Variants in CSPP1 observed in about 807,000 individuals in gnomAD.
CSPP1 encodes centrosome and spindle pole-associated protein 1.
In CSPP1, 126 loss-of-function variants were observed where a neutral mutation model predicts 164.4. The observed-to-expected ratio is 0.77, with a 90% CI of 0.66 to 0.89. The LOEUF (loss-of-function observed/expected upper bound fraction) is 0.89. CSPP1 is among the 40% of genes least tolerant of loss of function. The pLI, the probability that CSPP1 is intolerant of heterozygous loss-of-function variation, is 0.00. For synonymous variants in CSPP1, 472 were observed against 476.7 expected (o/e 0.99, Z 0.13); for missense variants, 1,395 against 1,449.8 (o/e 0.96, Z 0.61).
chr8:67,130,601 A>G (rs528713526), intron 15 of CSPP1, among the ~76,000 whole-genome samples: 1 of 152,350 alleles, frequency 6.6e-6, no homozygotes, highest in East Asian at 1.9e-4. Flanking sequence ...TTATCCTAAT[A>G]AAAGATTGTA....
At chr8:67,071,596 C>G (rs1313726575) in intron 1 of CSPP1, among the ~76,000 whole-genome samples, 1 of 152,202 alleles carries the variant, frequency 6.6e-6, no homozygotes, top group Non-Finnish European at 1.5e-5. Flanking sequence ...ATCTTACTAG[C>G]TCCAACTTAA....
At chr8:67,171,652 A>G (rs916112337) in intron 24 of CSPP1, among the ~76,000 whole-genome samples, 10 of 151,242 alleles carry the variant, frequency 6.6e-5, no homozygotes, top group Non-Finnish European at 1.3e-4. Context: ...GGTTCAAGCA[A>G]TTCTCATGCC....
chr8:67,189,569 C>G (rs1563795339), intron 28 of CSPP1, among the ~76,000 whole-genome samples: 1 of 152,148 alleles, frequency 6.6e-6, no homozygotes, highest in Non-Finnish European at 1.5e-5. Context: ...TTTGGAAAAT[C>G]TGAATATCAA....
intron 19 of CSPP1, among the ~76,000 whole-genome samples, chr8:67,156,291 C>T (rs1826659674): frequency 6.6e-6 from 1 of 152,118 alleles, no homozygotes; most frequent in South Asian, 2.1e-4. Context: ...ATTGTGAGGC[C>T]ATTGCTTGAA....
At chr8:67,177,804 C>T (rs1206644967) in intron 27 of CSPP1, 78 bp downstream of exon 27, 1 of 997,052 alleles carries the variant, frequency 1.0e-6, no homozygotes, top group African/African-American at 1.6e-5. Context: ...TCAAGTAATT[C>T]AAATTTTGAA....
chr8:67,188,799 T>G (rs887600062), intron 28 of CSPP1, among the ~76,000 whole-genome samples: 3 of 152,226 alleles, frequency 2.0e-5, no homozygotes, highest in Non-Finnish European at 4.4e-5. Context: ...CCATTGTTCC[T>G]GCACGGCTAA....
At position 67,149,769 on chromosome 8, in the gene CSPP1, T is replaced by C; in HGVS notation, c.1976-14T>C. ...TGTGTTTATTGAAATAAATGGCTTA[T>C]TTTTTCCTCTCAGCTGATTTGAATA... On this transcript the variant is annotated splice_polypyrimidine_tract_variant and intron_variant, in intron 17 of 30. Transcript: ENST00000678616. 2 of 1,502,068 alleles carry C rather than the reference T, an allele frequency of 1.3e-6. No homozygotes were observed. Among genetic ancestry groups the C allele is most frequent in the Non-Finnish European group, 1.8e-6 (2 of 1,127,088 alleles). The allele number at this position is 1,502,068 out of a possible 1,614,324, so 93.0% of individuals were successfully genotyped here.
chr8:67,143,450 A>G lies in CSPP1; in HGVS notation c.1975+5847A>G, dbSNP rs563922156. On this transcript the variant is annotated intron_variant, in intron 17 of 30. Coordinates refer to ENST00000678616, the MANE Select transcript of CSPP1 (RefSeq NM_001382391.1). ...ATAGTAAGTAATTATTACTATTACT[A>G]TTACTTTGTCATGTCAAGCATGGTG... Among the ~76,000 whole-genome samples, 408 of 152,124 alleles carry G rather than the reference A, an allele frequency of 2.7e-3. 2 individuals carry two copies. Among genetic ancestry groups the G allele is most frequent in the African/African-American group, 9.6e-3 (398 of 41,522 alleles).
Position 67,195,669 on chromosome 8 carries a change from C to T in CSPP1, c.*76C>T. 1 of 1,272,562 alleles carries T rather than the reference C, an allele frequency of 7.9e-7. No individual in the cohort carries two copies. The highest frequency in any genetic ancestry group is 2.3e-4 in the Middle Eastern group (1 of 4,328). The allele number at this position is 1,272,562 out of a possible 1,614,324, so 78.8% of individuals were successfully genotyped here. On this transcript the variant is annotated 3_prime_UTR_variant, in exon 31 of 31. Coordinates refer to ENST00000678616, the MANE Select transcript of CSPP1 (RefSeq NM_001382391.1). ...AAATCTGTACCTTTAATATGTCCTACTTTTGGCCCCTACCTGAAAGTTACT... is the reference window on the plus strand; with the variant it reads ...AAATCTGTACCTTTAATATGTCCTATTTTTGGCCCCTACCTGAAAGTTACT...
chr8:67,129,549 G>A (rs1820783179), intron 15 of CSPP1, among the ~76,000 whole-genome samples: 1 of 152,150 alleles, frequency 6.6e-6, no homozygotes, highest in African/African-American at 2.4e-5. Context: ...TAGATGCAAA[G>A]ACTTGGATGT....
chr8:67,132,855 G>A (rs1014720539), intron 16 of CSPP1, among the ~76,000 whole-genome samples: 2 of 152,148 alleles, frequency 1.3e-5, no homozygotes, highest in African/African-American at 4.8e-5. Context: ...CAAATGTATG[G>A]GGTTCTTTGT....
intron 28 of CSPP1, 63 bp from the exon 29 acceptor site, chr8:67,190,587 T>C: frequency 8.0e-7 from 1 of 1,247,772 alleles, no homozygotes; most frequent in East Asian, 2.3e-5. Context: ...AGGCTCTTGG[T>C]TTAGCTCTGG....
chr8:67,166,924 C>T (rs1179743251), intron 24 of CSPP1, among the ~76,000 whole-genome samples: 2 of 152,118 alleles, frequency 1.3e-5, no homozygotes, highest in African/African-American at 4.8e-5. Context: ...GTGGTGATGA[C>T]TCTTAACCAG....
intron 15 of CSPP1, among the ~76,000 whole-genome samples, chr8:67,131,254 A>T (rs1307452887): frequency 1.3e-5 from 2 of 152,048 alleles, no homozygotes; most frequent in African/African-American, 4.8e-5. Flanking sequence ...ATGCATGGTG[A>T]TGTGCACCTA....
rs374129705 is a variant in CSPP1 at position 67,179,847 on chromosome 8, A to G, written c.3157-16A>G. The G allele has an allele frequency of 6.4e-6, 10 of 1,559,252 alleles. No homozygotes were observed. In the African/African-American group the frequency reaches 6.8e-5, roughly 11 times the overall value. On this transcript the variant is annotated splice_polypyrimidine_tract_variant and intron_variant, in intron 27 of 30. Coordinates refer to ENST00000678616, the MANE Select transcript of CSPP1 (RefSeq NM_001382391.1). Reference sequence around the variant, plus strand: ...CAAAACTAATAAAAATAGTCATTGAAACATGTTTCTTTTAGCCCAGAGATG... The same window carrying G: ...CAAAACTAATAAAAATAGTCATTGAGACATGTTTCTTTTAGCCCAGAGATG...
chr8:67,129,551 C>G (rs1470856968), intron 15 of CSPP1, among the ~76,000 whole-genome samples: 1 of 152,098 alleles, frequency 6.6e-6, no homozygotes. Context: ...GATGCAAAGA[C>G]TTGGATGTGA....
intron 15 of CSPP1, among the ~76,000 whole-genome samples, chr8:67,121,135 G>C (rs1818887446): frequency 6.6e-6 from 1 of 152,126 alleles, no homozygotes; most frequent in African/African-American, 2.4e-5. Context: ...TTACAGGTGT[G>C]AGCCACTGCG....
At chr8:67,189,261 C>A (rs1187287511) in intron 28 of CSPP1, among the ~76,000 whole-genome samples, 1 of 152,172 alleles carries the variant, frequency 6.6e-6, no homozygotes, top group Non-Finnish European at 1.5e-5. Context: ...GTATACACTC[C>A]TTGGTATTTG....
chr8:67,153,625 A>G (rs1428942717), intron 18 of CSPP1, among the ~76,000 whole-genome samples: 1 of 152,106 alleles, frequency 6.6e-6, no homozygotes. Flanking sequence ...TATATGTTAC[A>G]TAATACATTT....
Sources: gnomAD v4.1 joint callset for allele counts (sites outside exome capture counted in the v4.1 genomes callset) on GRCh38, gnomAD v4.1.1 for gene constraint, MANE v1.5 for transcripts, NCBI Gene and HGNC (gene_info 2026-07-23, HGNC 2026-07-21) for gene names.